SELENOF: variants seen among roughly 807,000 people sequenced by gnomAD.
The protein encoded by SELENOF is selenoprotein F.
A neutral mutation model predicts 20.5 loss-of-function variants in SELENOF; 16 were observed. That is an observed-to-expected ratio of 0.78 (90% CI 0.53 to 1.19). The LOEUF (loss-of-function observed/expected upper bound fraction) is 1.19. Ranked by LOEUF, SELENOF falls within the 50% of genes most tolerant of loss-of-function variation. The probability of loss-of-function intolerance (pLI) is 0.00; values close to 1 mark genes in which losing one functional copy is unlikely to be tolerated. For missense variants in SELENOF, 215 were observed against 194.2 expected (o/e 1.11, Z -0.64); for synonymous variants, 78 against 74.5 (o/e 1.05, Z -0.24).
intron 2 of SELENOF, among the ~76,000 whole-genome samples, chr1:86,893,389 A>C (rs983453590): frequency 2.6e-5 from 4 of 151,272 alleles, no homozygotes; most frequent in Non-Finnish European, 5.9e-5. Flanking sequence ...TGGATCACGA[A>C]GTCAGGAGAT....
intron 2 of SELENOF, among the ~76,000 whole-genome samples, chr1:86,895,551 A>C (rs1217844944): frequency 6.6e-6 from 1 of 152,244 alleles, no homozygotes; most frequent in Non-Finnish European, 1.5e-5. Context: ...GACACACAGT[A>C]ATCAGGTAAT....
At chr1:86,909,464 T>C (rs1659920727) in intron 1 of SELENOF, among the ~76,000 whole-genome samples, 1 of 152,190 alleles carries the variant, frequency 6.6e-6, no homozygotes, top group Admixed American at 6.5e-5. Flanking sequence ...GCAAATATCC[T>C]GATGACTTTG....
At chr1:86,901,950 C>T (rs74099337) in intron 2 of SELENOF, among the ~76,000 whole-genome samples, 3,934 of 152,182 alleles carry the variant, frequency 0.026, 59 homozygotes, top group South Asian at 0.054. Context: ...TTCTTCAGTC[C>T]TTCTGAGTTT....
intron 2 of SELENOF, among the ~76,000 whole-genome samples, chr1:86,881,340 T>C (rs538310703): frequency 8.5e-5 from 13 of 152,354 alleles, no homozygotes; most frequent in African/African-American, 2.4e-4. Flanking sequence ...ATTCTCTTTA[T>C]AGTAAAAGCT....
chr1:86,890,359 T>C (rs530376056), intron 2 of SELENOF, among the ~76,000 whole-genome samples: 1 of 152,320 alleles, frequency 6.6e-6, no homozygotes, highest in Non-Finnish European at 1.5e-5. Context: ...GTATGTTTTG[T>C]TTATAGCACA....
intron 1 of SELENOF, chr1:86,913,793 AG>A: frequency 1.8e-6 from 1 of 548,782 alleles, no homozygotes; most frequent in Non-Finnish European, 3.3e-6. Flanking sequence ...GCCGTATAAG[AG>A]AAGCTACGTA....
intron 1 of SELENOF, among the ~76,000 whole-genome samples, chr1:86,911,018 G>C (rs1659966628): frequency 6.6e-6 from 1 of 152,202 alleles, no homozygotes; most frequent in African/African-American, 2.4e-5. Context: ...GTACTACTCT[G>C]TATATGTGTC....
chr1:86,866,402 A>G (rs1302049734), intron 4 of SELENOF, among the ~76,000 whole-genome samples: 1 of 151,816 alleles, frequency 6.6e-6, no homozygotes, highest in Non-Finnish European at 1.5e-5. Flanking sequence ...TGAAGTAGTC[A>G]AAACTATAGA....
intron 2 of SELENOF, among the ~76,000 whole-genome samples, chr1:86,900,511 A>G (rs1237102037): frequency 3.3e-5 from 5 of 152,054 alleles, no homozygotes; most frequent in African/African-American, 9.7e-5. Flanking sequence ...TCAGGCAGGG[A>G]GGTTGCAGTG....
At chr1:86,867,767 C>T (rs778164640) in intron 4 of SELENOF, among the ~76,000 whole-genome samples, 12 of 119,306 alleles carry the variant, frequency 1.0e-4, no homozygotes, top group Non-Finnish European at 1.9e-4. Context: ...TGTACCACAC[C>T]AATGCAAGAT....
chr1:86,895,559 A>G (rs932536001), intron 2 of SELENOF, among the ~76,000 whole-genome samples: 1 of 152,240 alleles, frequency 6.6e-6, no homozygotes, highest in African/African-American at 2.4e-5. Flanking sequence ...GTAATCAGGT[A>G]ATTTGTCCAA....
At chr1:86,907,428 A>G (rs936841064) in intron 1 of SELENOF, among the ~76,000 whole-genome samples, 1 of 152,228 alleles carries the variant, frequency 6.6e-6, no homozygotes, top group Non-Finnish European at 1.5e-5. Flanking sequence ...GGTTTTGCAG[A>G]CTTAAGGCTT....
intron 2 of SELENOF, among the ~76,000 whole-genome samples, chr1:86,884,400 C>T (rs973001259): frequency 9.2e-5 from 14 of 151,712 alleles, no homozygotes; most frequent in African/African-American, 1.9e-4. Flanking sequence ...TATATATACA[C>T]GCACACACAT....
intron 2 of SELENOF, among the ~76,000 whole-genome samples, chr1:86,884,965 T>C (rs1659175881): frequency 6.6e-6 from 1 of 152,200 alleles, no homozygotes; most frequent in Non-Finnish European, 1.5e-5. Flanking sequence ...AAACTTCTGA[T>C]ATGGTTCTCT....
chr1:86,885,732 G>A (rs1256537942), intron 2 of SELENOF, among the ~76,000 whole-genome samples: 1 of 152,150 alleles, frequency 6.6e-6, no homozygotes. Flanking sequence ...AGTGAAAAGA[G>A]TCCAAGCTGT....
chr1:86,872,848 CTGGCTA>C (rs1232258781), intron 3 of SELENOF, among the ~76,000 whole-genome samples: 1 of 151,932 alleles, frequency 6.6e-6, no homozygotes, highest in African/African-American at 2.4e-5. Flanking sequence ...TGAGACCATC[CTGGCTA>C]ACACGGTGAA....
chr1:86,863,423 A>G lies in SELENOF; in HGVS notation c.*51T>C. 6 of 1,500,516 alleles carry G rather than the reference A, an allele frequency of 4.0e-6. No individual in the cohort carries two copies. The highest frequency in any genetic ancestry group is 1.9e-5 in the Admixed American group (1 of 53,750). 93.0% of individuals were successfully genotyped at this position (1,500,516 alleles called of 1,614,324 possible). A position where few individuals can be genotyped will look rare whatever the true frequency, so the allele number is the denominator to read the frequency against. Reference sequence around the variant, plus strand: ...ACTAAATTATTTTCTAGGTGCTGTAATATTTCATTTGATAAGGTAACAAAA... The same window carrying G: ...ACTAAATTATTTTCTAGGTGCTGTAGTATTTCATTTGATAAGGTAACAAAA... On this transcript the variant is annotated 3_prime_UTR_variant, in exon 5 of 5. Transcript: ENST00000331835.
intron 2 of SELENOF, among the ~76,000 whole-genome samples, chr1:86,894,835 T>C (rs1312775750): frequency 6.6e-6 from 1 of 150,702 alleles, no homozygotes; most frequent in Non-Finnish European, 1.5e-5. Context: ...AAACCCTATC[T>C]CTAAAACAAC....
chr1:86,879,729 T>C (rs1193206794), intron 3 of SELENOF, among the ~76,000 whole-genome samples: 1 of 152,220 alleles, frequency 6.6e-6, no homozygotes, highest in East Asian at 1.9e-4. Flanking sequence ...AAACTGATTT[T>C]CAAAGTGACA....
Sources: gnomAD v4.1 joint callset for allele counts (sites outside exome capture counted in the v4.1 genomes callset) on GRCh38, gnomAD v4.1.1 for gene constraint, MANE v1.5 for transcripts, NCBI Gene and HGNC (gene_info 2026-07-23, HGNC 2026-07-21) for gene names.